AKAP13: variants seen among roughly 807,000 people sequenced by gnomAD.
The protein encoded by AKAP13 is A-kinase anchoring protein 13.
A neutral mutation model predicts 264.5 loss-of-function variants in AKAP13; 80 were observed. The ratio of observed to expected loss-of-function variants is 0.30; its 90% CI spans 0.25 to 0.36. AKAP13 has a LOEUF of 0.36. Ranked by LOEUF, AKAP13 falls within the 10% of genes least tolerant of loss-of-function variation. The probability of loss-of-function intolerance (pLI) is 1.00; values close to 1 mark genes in which losing one functional copy is unlikely to be tolerated. For missense variants in AKAP13, 3,712 were observed against 3,435.2 expected (o/e 1.08, Z -2.01); for synonymous variants, 1,380 against 1,250.2 (o/e 1.10, Z -2.19).
intron 8 of AKAP13, chr15:85,621,564 A>G (rs752634377): frequency 6.6e-6 from 1 of 152,198 alleles, no homozygotes; most frequent in Non-Finnish European, 1.5e-5. Flanking sequence ...ATCACAAGAA[A>G]TATTGAACAT....
At chr15:85,428,439 T>C (rs2072889991) in intron 1 of AKAP13, among the ~76,000 whole-genome samples, 1 of 152,234 alleles carries the variant, frequency 6.6e-6, no homozygotes, top group Non-Finnish European at 1.5e-5. Context: ...CCTTAGGTGA[T>C]CTGCCTGCCT....
intron 1 of AKAP13, among the ~76,000 whole-genome samples, chr15:85,467,723 G>A (rs550419842): frequency 3.7e-4 from 57 of 152,266 alleles, no homozygotes; most frequent in African/African-American, 1.3e-3. Context: ...AACACAATAT[G>A]CCTAGTAATA....
chr15:85,510,076 A>G (rs979361347), intron 2 of AKAP13, among the ~76,000 whole-genome samples: 1 of 152,252 alleles, frequency 6.6e-6, no homozygotes, highest in African/African-American at 2.4e-5. Context: ...TAATCCCTGC[A>G]GTCCCTGGTC....
chr15:85,465,572 G>T (rs965699188), intron 1 of AKAP13, among the ~76,000 whole-genome samples: 1 of 140,792 alleles, frequency 7.1e-6, no homozygotes, highest in Non-Finnish European at 1.5e-5. Flanking sequence ...TCATTGTTCA[G>T]TTCCCACCTA....
chr15:85,414,366 G>A (rs1338237700), intron 1 of AKAP13, among the ~76,000 whole-genome samples: 1 of 152,122 alleles, frequency 6.6e-6, no homozygotes, highest in Non-Finnish European at 1.5e-5. Flanking sequence ...CTTATGAATA[G>A]TAGCACAGTA....
intron 1 of AKAP13, among the ~76,000 whole-genome samples, chr15:85,391,502 T>TA (rs1268024752): frequency 1.3e-5 from 2 of 151,242 alleles, no homozygotes; most frequent in East Asian, 1.9e-4. Flanking sequence ...TTTTTTTTTT[T>TA]AAGACAGGGT....
At chr15:85,391,712 T>A (rs1336942013) in intron 1 of AKAP13, among the ~76,000 whole-genome samples, 1 of 152,056 alleles carries the variant, frequency 6.6e-6, no homozygotes, top group East Asian at 1.9e-4. Flanking sequence ...CCTGAACTCT[T>A]AGACTCAAGC....
intron 11 of AKAP13, among the ~76,000 whole-genome samples, chr15:85,657,710 CTT>C (rs11332236): frequency 0.035 from 4,398 of 127,468 alleles, 232 homozygotes; most frequent in African/African-American, 0.12. Flanking sequence ...GTGGTGTACT[CTT>C]TTTTTTTTTT....
chr15:85,581,379 G>A lies in AKAP13; in HGVS notation c.3311G>A (p.Arg1104Lys). The A allele has an allele frequency of 6.2e-7, 1 of 1,614,246 alleles. No homozygotes were observed. The highest frequency in any genetic ancestry group is 8.5e-7 in the Non-Finnish European group (1 of 1,180,046). ...VNALQGMAEP[R>K]RENISHNTQD... ...GCTCTACAAGGTATGGCTGAGCCCA[G>A]AAGAGAGAATATATCACACAACACC... The change falls in exon 7 of 37, where the codon AGA (arginine) becomes AAA (lysine). Residue 1104 changes from arginine to lysine, a missense_variant. Physicochemically the swap from Arg to Lys is conservative, Grantham distance 26 (BLOSUM62 2). Coordinates refer to ENST00000394518, the MANE Select transcript of AKAP13 (RefSeq NM_007200.5).
intron 4 of AKAP13, 41 bp from the exon 5 acceptor site, chr15:85,543,731 A>T (rs764486821): frequency 6.4e-6 from 10 of 1,552,536 alleles, no homozygotes; most frequent in Admixed American, 6.0e-5. Flanking sequence ...TTTTGTTTTT[A>T]TATTTTCCTC....
intron 35 of AKAP13, 105 bp from the exon 36 acceptor site, chr15:85,743,387 A>C (rs920998449): frequency 2.6e-5 from 33 of 1,252,302 alleles, no homozygotes; most frequent in Middle Eastern, 2.0e-4. Flanking sequence ...GAGGTGGGTA[A>C]GTACCCAGCC....
intron 5 of AKAP13, among the ~76,000 whole-genome samples, chr15:85,574,787 T>C (rs994776151): frequency 2.6e-5 from 4 of 152,172 alleles, no homozygotes; most frequent in African/African-American, 7.2e-5. Flanking sequence ...AGCCTTGATT[T>C]TGTTGAAAAT....
intron 8 of AKAP13, among the ~76,000 whole-genome samples, chr15:85,601,820 AT>A (rs1174189724): frequency 2.0e-5 from 3 of 151,694 alleles, no homozygotes; most frequent in Non-Finnish European, 4.4e-5. Context: ...AATTTAAAAA[AT>A]GTTTATTAAT....
intron 2 of AKAP13, among the ~76,000 whole-genome samples, chr15:85,508,058 C>T (rs1293849013): frequency 6.6e-6 from 1 of 151,978 alleles, no homozygotes; most frequent in Non-Finnish European, 1.5e-5. Context: ...TGGGTTTCAG[C>T]AAGATATTCT....
chr15:85,488,002 C>T (rs1201244763), intron 2 of AKAP13, among the ~76,000 whole-genome samples: 2 of 152,076 alleles, frequency 1.3e-5, no homozygotes, highest in East Asian at 3.9e-4. Context: ...GGCTCAAATG[C>T]TCTTCCCACC....
At chr15:85,744,011 C>G (rs1022152924) in intron 36 of AKAP13, 186 bp downstream of exon 36, 53 of 654,648 alleles carry the variant, frequency 8.1e-5, no homozygotes, top group Non-Finnish European at 1.2e-4. Context: ...AGAACCCACT[C>G]TGTGTGGCAC....
At chr15:85,630,219 A>C (rs1401272210) in intron 8 of AKAP13, among the ~76,000 whole-genome samples, 1 of 103,734 alleles carries the variant, frequency 9.6e-6, no homozygotes, top group Non-Finnish European at 2.1e-5. Context: ...ATCATGAACT[A>C]AGATGGAAAA....
At chr15:85,691,878 C>T (rs764583184) in intron 16 of AKAP13, 3 of 489,898 alleles carry the variant, frequency 6.1e-6, no homozygotes, top group Admixed American at 4.2e-5. Flanking sequence ...GAGAGCACGG[C>T]GTAGGAAGCT....
intron 1 of AKAP13, among the ~76,000 whole-genome samples, chr15:85,394,304 C>G (rs1220810910): frequency 1.3e-5 from 2 of 152,170 alleles, no homozygotes; most frequent in Admixed American, 1.3e-4. Context: ...GGGTGTATAT[C>G]TTCTCTGTAA....
Sources: gnomAD v4.1 joint callset for allele counts (sites outside exome capture counted in the v4.1 genomes callset) on GRCh38, gnomAD v4.1.1 for gene constraint, MANE v1.5 for transcripts, NCBI Gene and HGNC (gene_info 2026-07-23, HGNC 2026-07-21) for gene names.